DIAPH2: variants seen among roughly 807,000 people sequenced by gnomAD.
The protein encoded by DIAPH2 is protein diaphanous homolog 2.
DIAPH2 carries 35 observed loss-of-function variants against 92.7 expected under a neutral mutation model. The observed-to-expected ratio is 0.38, with a 90% CI of 0.29 to 0.50. The LOEUF (loss-of-function observed/expected upper bound fraction) is 0.50. Among genes scored for constraint, DIAPH2 ranks in the 20% least tolerant of loss-of-function variants. DIAPH2 has a pLI of 0.94. For synonymous variants in DIAPH2, 301 were observed against 280.4 expected (o/e 1.07, Z -0.73); for missense variants, 701 against 819.5 (o/e 0.86, Z 1.77).
chrX:97,401,340 T>A (rs1375918939), intron 25 of DIAPH2, among the ~76,000 whole-genome samples: 1 of 111,254 alleles, frequency 9.0e-6, no homozygotes, highest in Non-Finnish European at 1.9e-5. Flanking sequence ...TTACCTGGTT[T>A]CATTTTCTGA....
chrX:97,349,393 CA>C (rs2147691433), intron 24 of DIAPH2, among the ~76,000 whole-genome samples: 1 of 111,115 alleles, frequency 9.0e-6, no homozygotes, highest in South Asian at 3.8e-4. Context: ...CAATAATCCC[CA>C]ACAGGAAGAT....
chrX:97,230,184 T>G (rs2147526293), intron 22 of DIAPH2, among the ~76,000 whole-genome samples: 1 of 111,546 alleles, frequency 9.0e-6, no homozygotes, highest in East Asian at 2.8e-4. Context: ...AAGTAGTAAT[T>G]TCTTTTCAAA....
At chrX:97,145,127 T>C (rs768109845) in intron 22 of DIAPH2, among the ~76,000 whole-genome samples, 12 of 112,082 alleles carry the variant, frequency 1.1e-4, no homozygotes, top group African/African-American at 3.9e-4. Context: ...GAGCTAATAA[T>C]TTAAACTTCT....
At chrX:97,598,148 C>T (rs1248642254) in intron 26 of DIAPH2, among the ~76,000 whole-genome samples, 2 of 111,579 alleles carry the variant, frequency 1.8e-5, no homozygotes, top group Non-Finnish European at 3.8e-5. Flanking sequence ...GTTAGTTGGG[C>T]GTCATCATCT....
chrX:96,958,374 T>C (rs1316538871), intron 16 of DIAPH2, among the ~76,000 whole-genome samples: 1 of 112,249 alleles, frequency 8.9e-6, no homozygotes, highest in Non-Finnish European at 1.9e-5. Flanking sequence ...ATGTAGAGAA[T>C]AATATTTGAA....
chrX:97,136,558 AC>A (rs2067171462), intron 21 of DIAPH2, among the ~76,000 whole-genome samples: 3 of 111,768 alleles, frequency 2.7e-5, no homozygotes, highest in Non-Finnish European at 5.7e-5. Context: ...ATGTTTAAGA[AC>A]CATAATTAGG....
chrX:97,474,067 T>G (rs2070585233), intron 26 of DIAPH2, among the ~76,000 whole-genome samples: 1 of 112,755 alleles, frequency 8.9e-6, no homozygotes, highest in African/African-American at 3.2e-5. Context: ...TACACATTAT[T>G]TATGCCTGCT....
intron 17 of DIAPH2, among the ~76,000 whole-genome samples, chrX:97,036,610 C>T (rs2066412322): frequency 8.9e-6 from 1 of 111,742 alleles, no homozygotes; most frequent in Non-Finnish European, 1.9e-5. Context: ...GTTAGTGGAG[C>T]TGGTAATCAG....
chrX:97,539,401 C>G lies in DIAPH2; in HGVS notation c.3242-59852C>G, dbSNP rs776256316. ...TAGTCTTTCCTCTCTTTTCTTGATA[C>G]CGACCTTCAAATATTTTGGGGTTTT... On this transcript the variant is annotated intron_variant, in intron 26 of 26. Coordinates refer to ENST00000324765, the MANE Select transcript of DIAPH2 (RefSeq NM_006729.5). Among the ~76,000 whole-genome samples, 277 of 111,885 alleles carry G rather than the reference C, an allele frequency of 2.5e-3. 1 individual carries two copies. Among genetic ancestry groups the G allele is most frequent in the South Asian group, 3.4e-3 (9 of 2,665 alleles).
At chrX:96,911,969 G>A (rs1479654074) in intron 5 of DIAPH2, among the ~76,000 whole-genome samples, 4 of 111,827 alleles carry the variant, frequency 3.6e-5, no homozygotes, top group Non-Finnish European at 7.5e-5. Flanking sequence ...AGAATTAAAA[G>A]GGTAGTGATG....
intron 23 of DIAPH2, among the ~76,000 whole-genome samples, chrX:97,266,944 C>G (rs1223411125): frequency 9.0e-6 from 1 of 111,539 alleles, no homozygotes; most frequent in Non-Finnish European, 1.9e-5. Context: ...AATAGCAGAA[C>G]TCATTTTTTG....
At chrX:97,320,994 C>G in intron 23 of DIAPH2, among the ~76,000 whole-genome samples, 1 of 111,709 alleles carries the variant, frequency 9.0e-6, no homozygotes. Context: ...TATGAGTCCA[C>G]TATGGTTGTC....
At chrX:96,694,493 A>T (rs1427708074) in intron 1 of DIAPH2, among the ~76,000 whole-genome samples, 1 of 110,408 alleles carries the variant, frequency 9.1e-6, no homozygotes, top group African/African-American at 3.3e-5. Context: ...AGCATGCACC[A>T]CCACGCCCAG....
intron 17 of DIAPH2, among the ~76,000 whole-genome samples, chrX:97,039,361 C>A (rs1354487028): frequency 9.0e-6 from 1 of 111,279 alleles, no homozygotes; most frequent in African/African-American, 3.3e-5. Context: ...TTTTCATTTG[C>A]ATTTTAATTT....
intron 4 of DIAPH2, among the ~76,000 whole-genome samples, chrX:96,828,482 G>A (rs2064829621): frequency 8.9e-6 from 1 of 111,772 alleles, no homozygotes. Flanking sequence ...ATAACTTTGG[G>A]AAATTTTGCA....
intron 4 of DIAPH2, among the ~76,000 whole-genome samples, chrX:96,843,281 GA>G (rs1439728563): frequency 2.7e-5 from 3 of 111,656 alleles, no homozygotes; most frequent in Non-Finnish European, 3.8e-5. Flanking sequence ...CCCAGAAGTA[GA>G]TGCCAGTGCT....
intron 4 of DIAPH2, among the ~76,000 whole-genome samples, chrX:96,786,915 ATAACT>A (rs2064460321): frequency 8.9e-6 from 1 of 112,220 alleles, no homozygotes; most frequent in Non-Finnish European, 1.9e-5. Flanking sequence ...CTGTAATAAA[ATAACT>A]TTATATTATG....
chrX:97,109,497 G>C (rs192477631), intron 20 of DIAPH2, among the ~76,000 whole-genome samples: 62 of 111,605 alleles, frequency 5.6e-4, no homozygotes, highest in Admixed American at 1.4e-3. Context: ...TCCTACTGCA[G>C]CTTACAGTAT....
At chrX:97,180,172 C>T (rs1048571019) in intron 22 of DIAPH2, among the ~76,000 whole-genome samples, 1 of 112,213 alleles carries the variant, frequency 8.9e-6, no homozygotes, top group Non-Finnish European at 1.9e-5. Flanking sequence ...ATTTACATTC[C>T]CACCAACAGT....
Sources: gnomAD v4.1 joint callset for allele counts (sites outside exome capture counted in the v4.1 genomes callset) on GRCh38, gnomAD v4.1.1 for gene constraint, MANE v1.5 for transcripts, NCBI Gene and HGNC (gene_info 2026-07-23, HGNC 2026-07-21) for gene names.